PDK1: variants seen among roughly 807,000 people sequenced by gnomAD.
The protein encoded by PDK1 is pyruvate dehydrogenase kinase 1.
In PDK1, 39 loss-of-function variants were observed where a neutral mutation model predicts 54.2. The observed-to-expected ratio is 0.72, with a 90% CI of 0.56 to 0.94. The LOEUF (loss-of-function observed/expected upper bound fraction) is 0.94. Ranked by LOEUF, PDK1 falls within the 40% of genes least tolerant of loss-of-function variation. The pLI is 0.00. For synonymous variants in PDK1, 221 were observed against 207.1 expected, an observed-to-expected ratio of 1.07 and a Z score of -0.58; for missense variants, 552 against 566.0, an observed-to-expected ratio of 0.98 and a Z score of 0.25.
Position 172,558,740 on chromosome 2 carries a change from A to T in PDK1, c.229A>T (p.Met77Leu). The change falls in exon 2 of 11, where the codon ATG becomes TTG. Residue 77 changes from methionine (M) to leucine (L), a missense_variant. Transcript: ENST00000282077. Reference protein sequence around the residue: ...SVNACEKTSFMFLRQELPVRL... With the variant: ...SVNACEKTSFLFLRQELPVRL... ...GAATGCTTGTGAAAAGACCTCATTT[A>T]TGTTTCTGCGGCAAGAGTTGCCTGT... 1 of 1,610,396 alleles carries T rather than the reference A, an allele frequency of 6.2e-7. No homozygotes were observed. The highest frequency in any genetic ancestry group is 8.5e-7 in the Non-Finnish European group (1 of 1,178,936).
the PDK1 span, among the ~76,000 whole-genome samples, chr2:172,622,105 A>C: frequency 7.7e-6 from 1 of 130,312 alleles, no homozygotes; most frequent in African/African-American, 3.0e-5. Flanking sequence ...TATCTCATAT[A>C]TTATGTGAGA....
At chr2:172,680,335 CCTTT>C in the PDK1 span, among the ~76,000 whole-genome samples, 5 of 151,914 alleles carry the variant, frequency 3.3e-5, no homozygotes, top group Non-Finnish European at 7.4e-5. Context: ...ATTGTACTAT[CCTTT>C]CTTTCTTTCT....
chr2:172,634,287 T>TATTATTATTATTATTATTATTA, the PDK1 span, among the ~76,000 whole-genome samples: 9 of 149,456 alleles, frequency 6.0e-5, no homozygotes, highest in South Asian at 2.1e-4. Flanking sequence ...TTATTATTAT[T>TATTATTATTATTATTATTATTA]TTGGAGACCG....
At chr2:172,670,357 A>C in the PDK1 span, among the ~76,000 whole-genome samples, 1 of 152,220 alleles carries the variant, frequency 6.6e-6, no homozygotes, top group African/African-American at 2.4e-5. Flanking sequence ...AATATTGACA[A>C]TTATAATTTA....
At chr2:172,661,240 G>C in the PDK1 span, among the ~76,000 whole-genome samples, 1 of 152,126 alleles carries the variant, frequency 6.6e-6, no homozygotes, top group African/African-American at 2.4e-5. Flanking sequence ...AGAGCTGACT[G>C]TTACAGTTTA....
the PDK1 span, among the ~76,000 whole-genome samples, chr2:172,708,045 G>GT: frequency 2.6e-5 from 4 of 152,138 alleles, no homozygotes; most frequent in Non-Finnish European, 5.9e-5. Flanking sequence ...GCTCACACCT[G>GT]TATCTCAGCA....
In PDK1 at chr2:172,606,790, A is replaced by C. The variant is rs1242164185; in HGVS notation, c.*10821A>C. The C allele has an allele frequency of 6.6e-6, 1 of 151,798 alleles. No homozygotes were observed. The highest frequency in any genetic ancestry group is 1.5e-5 in the Non-Finnish European group (1 of 67,986). 9.4% of individuals were successfully genotyped at this position (151,798 alleles called of 1,614,324 possible). A position where few individuals can be genotyped will look rare whatever the true frequency, so the allele number is the denominator to read the frequency against. On this transcript the variant is annotated 3_prime_UTR_variant, in exon 11 of 11. Coordinates refer to ENST00000282077, the MANE Select transcript of PDK1 (RefSeq NM_002610.5). Reference sequence around the variant, plus strand: ...GTTGAAGTTCACATGACCTACAACTAACCATTTTAAAGTGTAATTCAGTGT... The same window carrying C: ...GTTGAAGTTCACATGACCTACAACTCACCATTTTAAAGTGTAATTCAGTGT...
At position 172,562,281 on chromosome 2, in the gene PDK1, G is replaced by C; in HGVS notation, c.400G>C (p.Ala134Pro). 1 of 1,589,768 alleles carries C rather than the reference G, an allele frequency of 6.3e-7. No homozygotes were observed. The highest frequency in any genetic ancestry group is 8.6e-7 in the Non-Finnish European group (1 of 1,158,132). ...GGACAAAAGTGCTGAGGATGCTAAA[G>C]CTATTTATGAGTAAGTTCACTATTT... ...FKDKSAEDAK[A>P]IYDFTDTVIR... Residue 134 changes from alanine (A) to proline (P), a missense_variant, in exon 3 of 11, where the codon GCT becomes CCT. Ala to Pro is a conservative substitution (Grantham distance 27). Transcript: ENST00000282077.
At chr2:172,686,513 A>G in the PDK1 span, among the ~76,000 whole-genome samples, 8 of 152,306 alleles carry the variant, frequency 5.3e-5, no homozygotes, top group African/African-American at 1.9e-4. Flanking sequence ...AAATGGACCA[A>G]TCAGCACTCT....
the PDK1 span, among the ~76,000 whole-genome samples, chr2:172,690,028 C>T: frequency 6.7e-6 from 1 of 150,272 alleles, no homozygotes; most frequent in African/African-American, 2.4e-5. Flanking sequence ...AGAGCTTCTG[C>T]ACAGCAAAAG....
the PDK1 span, among the ~76,000 whole-genome samples, chr2:172,666,701 A>ATG: frequency 1.3e-5 from 2 of 152,298 alleles, no homozygotes; most frequent in East Asian, 1.9e-4. Flanking sequence ...CTAAGGTCAG[A>ATG]GTAGGTGACC....
intron 9 of PDK1, among the ~76,000 whole-genome samples, chr2:172,588,625 C>A (rs955392719): frequency 1.3e-5 from 2 of 152,208 alleles, no homozygotes; most frequent in Admixed American, 6.5e-5. Context: ...AAGACTGTTA[C>A]TAATTTCTTG....
chr2:172,627,497 G>A, the PDK1 span, among the ~76,000 whole-genome samples: 1 of 152,126 alleles, frequency 6.6e-6, no homozygotes, highest in African/African-American at 2.4e-5. Context: ...AATATGCACA[G>A]TATCAAGAAA....
chr2:172,627,900 G>A, the PDK1 span, among the ~76,000 whole-genome samples: 3 of 152,162 alleles, frequency 2.0e-5, no homozygotes, highest in African/African-American at 7.2e-5. Context: ...GTGAGATCTG[G>A]GACCTGAACT....
chr2:172,586,177 C>T (rs1055352081), intron 8 of PDK1, 101 bp from the exon 9 acceptor site: 18 of 542,168 alleles, frequency 3.3e-5, no homozygotes, highest in South Asian at 2.4e-4. Context: ...AAAAAAAAAG[C>T]GCTCTCCCAC....
In PDK1 at chr2:172,606,982, T is replaced by C. The variant is rs569118959; in HGVS notation, c.*11013T>C. 5.6e-4 allele frequency: 85 copies of C among 152,254 alleles called. No individual in the cohort carries two copies. The highest frequency in any genetic ancestry group is 2.0e-3 in the African/African-American group (82 of 41,544). The allele number at this position is 152,254 out of a possible 1,614,324, so 9.4% of individuals were successfully genotyped here. A position where few individuals can be genotyped will look rare whatever the true frequency, so the allele number is the denominator to read the frequency against. Reference sequence around the variant, plus strand: ...TTCCTGGGATCTTTCTCTACAGTGGTATGATTATATAAGGGTGGAAATATA... The same window carrying C: ...TTCCTGGGATCTTTCTCTACAGTGGCATGATTATATAAGGGTGGAAATATA... On this transcript the variant is annotated 3_prime_UTR_variant, in exon 11 of 11. Transcript: ENST00000282077.
At chr2:172,613,430 T>A (rs1691523971), downstream of PDK1, among the ~76,000 whole-genome samples, 1 of 152,198 alleles carries the variant, frequency 6.6e-6, no homozygotes, top group Non-Finnish European at 1.5e-5. Flanking sequence ...GTAAAATCCT[T>A]ATCCTTATTT....
chr2:172,688,367 C>A, the PDK1 span, among the ~76,000 whole-genome samples: 1 of 151,140 alleles, frequency 6.6e-6, no homozygotes, highest in East Asian at 1.9e-4. Flanking sequence ...TCCCAGAGCA[C>A]CAATGTTGAA....
At chr2:172,562,326 A>T in intron 3 of PDK1, 35 bp downstream of exon 3, 1 of 1,238,584 alleles carries the variant, frequency 8.1e-7, no homozygotes, top group Middle Eastern at 1.9e-4. Flanking sequence ...TCTTAAACCT[A>T]TTATTAGGTC....
Sources: allele counts gnomAD v4.1 joint callset (sites outside exome capture counted in the v4.1 genomes callset), GRCh38; gene constraint gnomAD v4.1.1; transcripts MANE v1.5; gene names NCBI Gene and HGNC (gene_info 2026-07-23, HGNC 2026-07-21).